The following PIBF1 variants were observed in gnomAD, a reference collection of about 807,000 sequenced individuals.
PIBF1 encodes the protein progesterone immunomodulatory binding factor 1.
In PIBF1, 90 loss-of-function variants were observed where a neutral mutation model predicts 112.5. That is an observed-to-expected ratio of 0.80 (90% CI 0.67 to 0.95). PIBF1 has a LOEUF of 0.95. Among genes scored for constraint, PIBF1 ranks in the 40% least tolerant of loss-of-function variants. The pLI, the probability that PIBF1 is intolerant of heterozygous loss-of-function variation, is 0.00. For synonymous variants in PIBF1, 301 were observed against 288.6 expected (o/e 1.04, Z -0.44); for missense variants, 915 against 852.3 (o/e 1.07, Z -0.92).
At chr13:72,808,728 C>T (rs1280650330) in intron 5 of PIBF1, among the ~76,000 whole-genome samples, 1 of 152,126 alleles carries the variant, frequency 6.6e-6, no homozygotes, top group African/African-American at 2.4e-5. Flanking sequence ...GAAATTTCCT[C>T]CTCATTTAGA....
chr13:72,999,885 A>G (rs1472732372), intron 17 of PIBF1, among the ~76,000 whole-genome samples: 2 of 152,184 alleles, frequency 1.3e-5, no homozygotes, highest in African/African-American at 4.8e-5. Context: ...GCTGGCCAAC[A>G]TGGTGAAACC....
intron 15 of PIBF1, among the ~76,000 whole-genome samples, chr13:72,970,358 C>A (rs748255913): frequency 2.8e-4 from 42 of 152,150 alleles, no homozygotes; most frequent in Non-Finnish European, 1.0e-4. Context: ...AGTTTGATCT[C>A]TACTTCAGAA....
At chr13:72,811,694 A>C (rs184930358) in intron 5 of PIBF1, among the ~76,000 whole-genome samples, 11 of 152,268 alleles carry the variant, frequency 7.2e-5, no homozygotes, top group African/African-American at 2.6e-4. Flanking sequence ...ATTCAAGAAT[A>C]TAATTGAAGT....
intron 16 of PIBF1, among the ~76,000 whole-genome samples, chr13:72,998,542 A>ACAGTC (rs2043755182): frequency 6.6e-6 from 1 of 152,168 alleles, no homozygotes; most frequent in African/African-American, 2.4e-5. Flanking sequence ...GGGTTGGGAC[A>ACAGTC]CAGTCATCAC....
At chr13:72,969,077 C>T (rs1450277827) in intron 15 of PIBF1, among the ~76,000 whole-genome samples, 8 of 151,752 alleles carry the variant, frequency 5.3e-5, no homozygotes, top group Non-Finnish European at 1.0e-4. Flanking sequence ...TAACAGCACC[C>T]GATTGATAGG....
At chr13:72,921,632 A>G (rs766865389) in intron 13 of PIBF1, among the ~76,000 whole-genome samples, 27 of 152,120 alleles carry the variant, frequency 1.8e-4, no homozygotes, top group Non-Finnish European at 3.4e-4. Flanking sequence ...CAAAACGTTA[A>G]TTTTTAGTAC....
At chr13:72,789,153 C>G (rs1228272297) in intron 2 of PIBF1, among the ~76,000 whole-genome samples, 1 of 152,072 alleles carries the variant, frequency 6.6e-6, no homozygotes, top group Non-Finnish European at 1.5e-5. Flanking sequence ...CCCTTCCTTA[C>G]TGTACTTCTT....
rs764892700 is a variant in PIBF1, at chr13:72,917,109, T to C, written c.1673T>C (p.Phe558Ser). Residue 558 changes from phenylalanine (F) to serine (S), a missense_variant, in exon 13 of 18, where the codon TTT (phenylalanine) becomes TCT (serine). Coordinates refer to ENST00000326291, the MANE Select transcript of PIBF1 (RefSeq NM_006346.4). ...GAAGATGAGGCTGAAAGGGTTCTTT[T>C]TTCCTACGGCTATGGTGCTAATGTT... Reference protein sequence around the residue: ...ENEDEAERVLFSYGYGANVPT... With the variant: ...ENEDEAERVLSSYGYGANVPT... 1 of 1,598,770 alleles carries C rather than the reference T, an allele frequency of 6.3e-7. No homozygotes were observed. Among genetic ancestry groups the C allele is most frequent in the Non-Finnish European group, 8.5e-7 (1 of 1,172,390 alleles).
chr13:72,888,792 A>AT (rs2039952049), intron 10 of PIBF1, among the ~76,000 whole-genome samples: 1 of 151,836 alleles, frequency 6.6e-6, no homozygotes, highest in Admixed American at 6.6e-5. Flanking sequence ...AAAAACTGAT[A>AT]TATCAATTCA....
At chr13:72,790,177 A>G (rs758219519) in intron 2 of PIBF1, among the ~76,000 whole-genome samples, 3 of 152,270 alleles carry the variant, frequency 2.0e-5, no homozygotes, top group Non-Finnish European at 2.9e-5. Flanking sequence ...TTAGCAGTTA[A>G]GAGTTACATG....
chr13:72,821,771 A>G, intron 5 of PIBF1, 78 bp from the exon 6 acceptor site: 2 of 1,041,004 alleles, frequency 1.9e-6, no homozygotes, highest in Middle Eastern at 5.6e-4. Flanking sequence ...ACAGCTTAAC[A>G]GAAGACTTCA....
At chr13:72,796,826 A>C (rs2035223008) in intron 4 of PIBF1, among the ~76,000 whole-genome samples, 1 of 152,098 alleles carries the variant, frequency 6.6e-6, no homozygotes, top group African/African-American at 2.4e-5. Context: ...ATTCCTTCTT[A>C]CATCTTTTGT....
At chr13:72,937,100 C>T (rs761682654) in intron 14 of PIBF1, among the ~76,000 whole-genome samples, 23 of 151,852 alleles carry the variant, frequency 1.5e-4, no homozygotes, top group Non-Finnish European at 2.9e-4. Flanking sequence ...TCTTTTAACC[C>T]GTCTGACAAA....
intron 13 of PIBF1, among the ~76,000 whole-genome samples, chr13:72,928,585 G>A (rs571385273): frequency 1.1e-4 from 17 of 152,162 alleles, no homozygotes; most frequent in East Asian, 3.9e-4. Context: ...GATTACAGGC[G>A]CCTGCCACCA....
chr13:72,893,992 A>C, intron 11 of PIBF1, 43 bp downstream of exon 11: 1 of 1,279,122 alleles, frequency 7.8e-7, no homozygotes, highest in Middle Eastern at 2.1e-4. Context: ...ATGGCATGTA[A>C]ACTCCCTAAG....
At chr13:72,977,680 CAG>C (rs1456742244) in intron 16 of PIBF1, among the ~76,000 whole-genome samples, 2 of 152,310 alleles carry the variant, frequency 1.3e-5, no homozygotes, top group East Asian at 3.9e-4. Context: ...GGCATGACCA[CAG>C]AGAGTTTTTA....
At chr13:72,982,182 G>A (rs2043173202) in intron 16 of PIBF1, among the ~76,000 whole-genome samples, 1 of 152,076 alleles carries the variant, frequency 6.6e-6, no homozygotes, top group Non-Finnish European at 1.5e-5. Flanking sequence ...GCTCCTACCT[G>A]TACCCAGCAC....
chr13:72,831,591 A>G (rs7333860), intron 8 of PIBF1, among the ~76,000 whole-genome samples: 47,512 of 151,980 alleles, frequency 0.31, 9,004 homozygotes, highest in African/African-American at 0.54. Context: ...GAGTTTATTA[A>G]TCCTGAGTTC....
intron 10 of PIBF1, among the ~76,000 whole-genome samples, chr13:72,865,038 G>T (rs951122592): frequency 7.2e-5 from 11 of 152,112 alleles, no homozygotes; most frequent in African/African-American, 2.7e-4. Flanking sequence ...GATTGGAAAT[G>T]TATGTTTTGG....
Sources: allele counts gnomAD v4.1 joint callset (sites outside exome capture counted in the v4.1 genomes callset), GRCh38; gene constraint gnomAD v4.1.1; transcripts MANE v1.5; gene names NCBI Gene and HGNC (gene_info 2026-07-23, HGNC 2026-07-21).